Variants in CLIC1 observed in about 807,000 individuals in gnomAD.
The protein encoded by CLIC1 is chloride intracellular channel protein 1.
In CLIC1, 16 loss-of-function variants were observed where a neutral mutation model predicts 26.4. The observed-to-expected ratio is 0.61, with a 90% CI of 0.41 to 0.92. CLIC1 has a LOEUF of 0.92. Among genes scored for constraint, CLIC1 ranks in the 40% least tolerant of loss-of-function variants. The probability of loss-of-function intolerance (pLI) is 0.00; values close to 1 mark genes in which losing one functional copy is unlikely to be tolerated. For missense variants in CLIC1, 225 were observed against 289.7 expected (o/e 0.78, Z 1.62); for synonymous variants, 98 against 120.8 (o/e 0.81, Z 1.24).
In CLIC1 at chr6:31,736,473, C is replaced by T; in HGVS notation, c.-173G>A. On this transcript the variant is annotated 5_prime_UTR_variant, in exon 1 of 6. Coordinates refer to ENST00000375784, the Ensembl canonical transcript of CLIC1. This position sits in a 1 kb window ranked among gnomAD's most constrained non-coding sequence, Gnocchi z 5.0. ...CACCCAAACTAGGCCTCCCCACCAG[C>T]CCAACGCACCCCACACCCAGCTCCT... is the stretch of plus-strand genomic sequence containing the variant. 7.0e-7 allele frequency: 1 copy of T among 1,418,720 alleles called. No individual in the cohort carries two copies. Among genetic ancestry groups the T allele is most frequent in the Non-Finnish European group, 9.2e-7 (1 of 1,084,500 alleles). The allele number at this position is 1,418,720 out of a possible 1,614,324, so 87.9% of individuals were successfully genotyped here.
Position 31,734,349 on chromosome 6 carries a change from C to A in CLIC1, c.40-86G>T, listed in dbSNP as rs1025172024. 4.8e-5 allele frequency: 48 copies of A among 995,114 alleles called. No homozygotes were observed. Among genetic ancestry groups the A allele is most frequent in the Middle Eastern group, 2.0e-4 (1 of 4,924 alleles). 61.6% of individuals were successfully genotyped at this position (995,114 alleles called of 1,614,324 possible). On this transcript the variant is annotated intron_variant, in intron 1 of 5. Coordinates refer to ENST00000375784, the Ensembl canonical transcript of CLIC1. This position sits in a 1 kb window ranked among gnomAD's most constrained non-coding sequence, Gnocchi z 5.3. ...CCCTGCATTCCCACTCCCAGACCAG[C>A]TGTTTTCTGCCTAGTCATGACACAT...
Position 31,734,266 on chromosome 6 carries a change from G to A in CLIC1, c.40-3C>T, listed in dbSNP as rs752580211. On this transcript the variant is annotated splice_polypyrimidine_tract_variant and splice_region_variant and intron_variant, in intron 1 of 5. Transcript: ENST00000375784. The surrounding 1 kb of genome is among the most constrained non-coding windows in gnomAD (Gnocchi z 5.3). Reference sequence around the variant, plus strand: ...ATCTTGGCCCCATCACTGCCAGCCTGAAAAGTAACCCCAACCCAAGGTTAT... The same window carrying A: ...ATCTTGGCCCCATCACTGCCAGCCTAAAAAGTAACCCCAACCCAAGGTTAT... The A allele has an allele frequency of 6.2e-7, 1 of 1,612,822 alleles. No individual in the cohort carries two copies.
intron 5 of CLIC1, 77 bp from the exon 6 acceptor site, chr6:31,731,080 G>A (rs1265235401): frequency 7.5e-7 from 1 of 1,341,402 alleles, no homozygotes; most frequent in Non-Finnish European, 1.0e-6. Context: ...TCCCCAGGCC[G>A]ACATGATAAA....
chr6:31,736,302 G>A lies in CLIC1; in HGVS notation c.-2C>T. 4.3e-6 allele frequency: 7 copies of A among 1,612,964 alleles called. No individual in the cohort carries two copies. Among genetic ancestry groups the A allele is most frequent in the East Asian group, 2.2e-5 (1 of 44,878 alleles). On this transcript the variant is annotated 5_prime_UTR_variant, in exon 1 of 6. Transcript: ENST00000375784. This position sits in a 1 kb window ranked among gnomAD's most constrained non-coding sequence, Gnocchi z 5.0. The stretch of plus-strand genomic sequence containing the variant: ...GACCTGCGGTTGTTCTTCAGCCATG[G>A]TTGCGTCGGGGACCAGGAAGTGGCC...
Position 31,732,112 on chromosome 6 carries a change from TA to T in CLIC1, c.564+104del. On this transcript the variant is annotated intron_variant, in intron 5 of 5. Coordinates refer to ENST00000375784, the Ensembl canonical transcript of CLIC1. This position sits in a 1 kb window ranked among gnomAD's most constrained non-coding sequence, Gnocchi z 5.0. Reference sequence around the variant, plus strand: ...TGGTAGCAATTTATGAAAACCACCCTAAGAAAGAAATCGTCTTTAGAGTGGT... The same window carrying T: ...TGGTAGCAATTTATGAAAACCACCCTAGAAAGAAATCGTCTTTAGAGTGGT... 1 of 1,008,222 alleles carries T rather than the reference TA, an allele frequency of 9.9e-7. No individual in the cohort carries two copies. The highest frequency in any genetic ancestry group is 1.4e-6 in the Non-Finnish European group (1 of 732,040). 62.5% of individuals were successfully genotyped at this position (1,008,222 alleles called of 1,614,324 possible). A position where few individuals can be genotyped will look rare whatever the true frequency, so the allele number is the denominator to read the frequency against.
rs2151318285 is a variant in CLIC1, at chr6:31,733,988, T to C, written c.150-27A>G. The C allele has an allele frequency of 6.2e-7, 1 of 1,607,102 alleles. No homozygotes were observed. Among genetic ancestry groups the C allele is most frequent in the East Asian group, 2.2e-5 (1 of 44,682 alleles). On this transcript the variant is annotated intron_variant, in intron 2 of 5. Transcript: ENST00000375784. This position sits in a 1 kb window ranked among gnomAD's most constrained non-coding sequence, Gnocchi z 5.4. The stretch of plus-strand genomic sequence containing the variant: ...TGGAGAAAGGATCAGGAATCAGGAC[T>C]GGAAATGGGGGTCAGGAAGAACCAG...
Position 31,732,396 on chromosome 6 carries a change from G to T in CLIC1, c.385C>A (p.Leu129Met). The T allele has an allele frequency of 1.3e-6, 2 of 1,527,314 alleles. No individual in the cohort carries two copies. Among genetic ancestry groups the T allele is most frequent in the Non-Finnish European group, 1.8e-6 (2 of 1,138,946 alleles). 94.6% of individuals were successfully genotyped at this position (1,527,314 alleles called of 1,614,324 possible). Residue 129 changes from leucine (L) to methionine (M), a missense_variant and splice_region_variant, in exon 5 of 6, where the codon CTG becomes ATG. Leu to Met is a conservative substitution (Grantham distance 15). Transcript: ENST00000375784. This position sits in a 1 kb window ranked among gnomAD's most constrained non-coding sequence, Gnocchi z 5.0. ...AGGGCTTTCAGGAGTCCCTTCTCCA[G>T]ATCTGTGCAAGAGAGGGAACTGATT...
rs1294822868 is a variant in CLIC1, at chr6:31,732,013, A to G, written c.564+204T>C. On this transcript the variant is annotated intron_variant, in intron 5 of 5. Coordinates refer to ENST00000375784, the Ensembl canonical transcript of CLIC1. The surrounding 1 kb of genome is among the most constrained non-coding windows in gnomAD (Gnocchi z 5.0). The stretch of plus-strand genomic sequence containing the variant: ...TCTGTTTGCACCCATGACTTACATC[A>G]TGGAATATAATTATCTCAAGCAGTG... Among the ~76,000 whole-genome samples, 1 of 152,200 alleles carries G rather than the reference A, an allele frequency of 6.6e-6. No homozygotes were observed. Among genetic ancestry groups the G allele is most frequent in the Non-Finnish European group, 1.5e-5 (1 of 68,038 alleles).
rs1808188515 is a variant in CLIC1, at chr6:31,734,258, G to A, written c.45C>T (p.Gly15=). 2 of 1,613,688 alleles carry A rather than the reference G, an allele frequency of 1.2e-6. No individual in the cohort carries two copies. Among genetic ancestry groups the A allele is most frequent in the Non-Finnish European group, 1.7e-6 (2 of 1,179,746 alleles). The change falls in exon 2 of 6, where the codon GGC becomes GGT. Residue 15 remains glycine (G), a synonymous_variant. Transcript: ENST00000375784. The surrounding 1 kb of genome is among the most constrained non-coding windows in gnomAD (Gnocchi z 5.3). ...AGTTCCCAATCTTGGCCCCATCACT[G>A]CCAGCCTGAAAAGTAACCCCAACCC...
At chr6:31,737,031 T>C, upstream of CLIC1, 1 of 790,402 alleles carries the variant, frequency 1.3e-6, no homozygotes, top group Non-Finnish European at 1.5e-6. Flanking sequence ...GACTGGTGTC[T>C]CAGTAGGTCC....
rs1808212327 is a variant in CLIC1, at chr6:31,734,626, A to G, written c.40-363T>C. Among the ~76,000 whole-genome samples the G allele has an allele frequency of 6.6e-6, 1 of 152,150 alleles. No individual in the cohort carries two copies. Among genetic ancestry groups the G allele is most frequent in the Non-Finnish European group, 1.5e-5 (1 of 68,022 alleles). ...ATTTCTGGGTTCCTGAAGGGAGTAGAGTCTGAAGACAGGAGAGGTGGGTGG... is the reference window on the plus strand; with the variant it reads ...ATTTCTGGGTTCCTGAAGGGAGTAGGGTCTGAAGACAGGAGAGGTGGGTGG... On this transcript the variant is annotated intron_variant, in intron 1 of 5. Coordinates refer to ENST00000375784, the Ensembl canonical transcript of CLIC1. This position sits in a 1 kb window ranked among gnomAD's most constrained non-coding sequence, Gnocchi z 5.3.
rs753478085 is a variant in CLIC1, at chr6:31,734,059, A to T, written c.149+95T>A. On this transcript the variant is annotated intron_variant, in intron 2 of 5. Coordinates refer to ENST00000375784, the Ensembl canonical transcript of CLIC1. The surrounding 1 kb of genome is among the most constrained non-coding windows in gnomAD (Gnocchi z 5.3). ...GGGATAAGAAAGGGACTCCAGGGGG[A>T]GGGCAAAAATGTTCATGACAGAAGG... 1 of 1,579,614 alleles carries T rather than the reference A, an allele frequency of 6.3e-7. No individual in the cohort carries two copies. Among genetic ancestry groups the T allele is most frequent in the Non-Finnish European group, 8.7e-7 (1 of 1,151,780 alleles).
In CLIC1 at chr6:31,733,076, C is replaced by T. The variant is rs1808085308; in HGVS notation, c.382+490G>A. ...GGCAGAGGTTGCAGTGAGCTGATTGCACCACTGCACTCCAGCCTGGGCGAC... is the reference window on the plus strand; with the variant it reads ...GGCAGAGGTTGCAGTGAGCTGATTGTACCACTGCACTCCAGCCTGGGCGAC... On this transcript the variant is annotated intron_variant, in intron 4 of 5. Transcript: ENST00000375784. The surrounding 1 kb of genome is among the most constrained non-coding windows in gnomAD (Gnocchi z 5.4). Among the ~76,000 whole-genome samples the T allele has an allele frequency of 6.6e-6, 1 of 151,498 alleles. No homozygotes were observed. The highest frequency in any genetic ancestry group is 1.5e-5 in the Non-Finnish European group (1 of 67,918).
chr6:31,730,945 C>G lies in CLIC1; in HGVS notation c.623G>C (p.Arg208Pro), dbSNP rs1366392033. 6.2e-7 allele frequency: 1 copy of G among 1,612,896 alleles called. No homozygotes were observed. Among genetic ancestry groups the G allele is most frequent in the Non-Finnish European group, 8.5e-7 (1 of 1,180,008 alleles). ...CCGGGCGTAGGCATTGCTCAAGTAC[C>G]GATGCACTCCCCGGAAGGCCTCGGG... The change falls in exon 6 of 6, where the codon CGG (arginine) becomes CCG (proline). Residue 208 changes from arginine (R) to proline (P), a missense_variant. Coordinates refer to ENST00000375784, the Ensembl canonical transcript of CLIC1. This position sits in a 1 kb window ranked among gnomAD's most constrained non-coding sequence, Gnocchi z 5.1.
chr6:31,735,912 C>T (rs1353777119), intron 1 of CLIC1, among the ~76,000 whole-genome samples: 1 of 151,752 alleles, frequency 6.6e-6, no homozygotes, highest in East Asian at 1.9e-4. Context: ...CTGAGGTTCC[C>T]CTCTGTCCCT....
chr6:31,733,907 C>T lies in CLIC1; in HGVS notation c.204G>A (p.Leu68=), dbSNP rs146532519. Residue 68 remains leucine (L), a synonymous_variant, in exon 3 of 6, where the codon CTG becomes CTA. Transcript: ENST00000375784. This position sits in a 1 kb window ranked among gnomAD's most constrained non-coding sequence, Gnocchi z 5.4. ...TGTCTGTGTGCACTTCAGTGCCATA[C>T]AGCAGGAATGGGAGCTGCCCCCCTG... is the stretch of plus-strand genomic sequence containing the variant. 5.6e-6 allele frequency: 9 copies of T among 1,613,988 alleles called. No homozygotes were observed. In the African/African-American group the frequency reaches 1.1e-4, roughly 19 times the overall value.
At position 31,736,217 on chromosome 6, in the gene CLIC1, T is replaced by C. The variant is rs780772385; in HGVS notation, c.39+45A>G. On this transcript the variant is annotated intron_variant, in intron 1 of 5. Transcript: ENST00000375784. This position sits in a 1 kb window ranked among gnomAD's most constrained non-coding sequence, Gnocchi z 5.0. ...GGCTGGACCGGGGGAAAGGTGAGAG[T>C]TGGCTTCCAGGAATTTGGGTGGCTG... 2 of 1,602,598 alleles carry C rather than the reference T, an allele frequency of 1.2e-6. No individual in the cohort carries two copies. The highest frequency in any genetic ancestry group is 1.7e-6 in the Non-Finnish European group (2 of 1,171,696).
rs147567766 is a variant in CLIC1, at chr6:31,736,288, GTTC to G, written c.10_12del (p.Glu4del). ...TTCACGAACAATTCGACCTGCGGTT[GTTC>G]TTCAGCCATGGTTGCGTCGGGGACC... On this transcript the variant is annotated inframe_deletion, in exon 1 of 6. Coordinates refer to ENST00000375784, the Ensembl canonical transcript of CLIC1. The surrounding 1 kb of genome is among the most constrained non-coding windows in gnomAD (Gnocchi z 5.0). 59,912 of 1,612,638 alleles carry G rather than the reference GTTC, an allele frequency of 0.037. 1,416 individuals carry two copies. Among genetic ancestry groups the G allele is most frequent in the East Asian group, 0.082 (3,695 of 44,840 alleles).
intron 5 of CLIC1, among the ~76,000 whole-genome samples, chr6:31,731,309 CT>C (rs371296169): frequency 8.6e-4 from 126 of 146,692 alleles, no homozygotes; most frequent in South Asian, 2.4e-3. Context: ...TTTCATCAGA[CT>C]TTTTTTTTTT....
Sources: gnomAD v4.1 joint callset for allele counts (sites outside exome capture counted in the v4.1 genomes callset) on GRCh38, gnomAD v4.1.1 for gene constraint, Gnocchi (gnomAD v3.1) non-coding constraint, MANE v1.5 for transcripts, NCBI Gene and HGNC (gene_info 2026-07-23, HGNC 2026-07-21) for gene names.